Variants in FLNB observed in about 807,000 individuals in gnomAD.
FLNB encodes the protein filamin B.
Under a neutral mutation model 250.6 loss-of-function variants are expected in FLNB, and 111 were observed. The observed-to-expected ratio is 0.44, with a 90% CI of 0.38 to 0.52. The LOEUF (loss-of-function observed/expected upper bound fraction) is 0.52, where lower values mean the gene tolerates loss of function less well. Among genes scored for constraint, FLNB ranks in the 20% least tolerant of loss-of-function variants. FLNB has a pLI of 0.00. For missense variants in FLNB, 2,869 were observed against 3,447.8 expected, an observed-to-expected ratio of 0.83 and a Z score of 4.20; for synonymous variants, 1,302 against 1,372.1, an observed-to-expected ratio of 0.95 and a Z score of 1.13.
chr3:58,161,134 G>A (rs1229547142), intron 42 of FLNB, among the ~76,000 whole-genome samples: 1 of 152,212 alleles, frequency 6.6e-6, no homozygotes, highest in Non-Finnish European at 1.5e-5. Context: ...TGGCAAGCTG[G>A]TGCTCCCAGA....
chr3:58,153,209 G>T (rs2097348073), intron 38 of FLNB, among the ~76,000 whole-genome samples, 166 bp from the exon 39 acceptor site: 1 of 152,198 alleles, frequency 6.6e-6, no homozygotes, highest in Admixed American at 6.5e-5. Context: ...ACTCCATGCT[G>T]GCCACAGAAG....
Position 58,171,853 on chromosome 3 carries a change from T to TG in FLNB, c.*1091_*1092insG, listed in dbSNP as rs2097382967. The TG allele has an allele frequency of 6.6e-6, 1 of 152,330 alleles. No individual in the cohort carries two copies. The highest frequency in any genetic ancestry group is 1.5e-5 in the Non-Finnish European group (1 of 68,144). 9.4% of individuals were successfully genotyped at this position (152,330 alleles called of 1,614,324 possible). A position where few individuals can be genotyped will look rare whatever the true frequency, so the allele number is the denominator to read the frequency against. Reference sequence around the variant, plus strand: ...GAAGGGCAGCAGCTTATTGGTGGTCTTTTCACCATTGGCAGAAACAGTGAG... The same window carrying TG: ...GAAGGGCAGCAGCTTATTGGTGGTCTGTTTCACCATTGGCAGAAACAGTGAG... On this transcript the variant is annotated 3_prime_UTR_variant, in exon 46 of 46. Transcript: ENST00000295956. The surrounding 1 kb of genome is among the most constrained non-coding windows in gnomAD (Gnocchi z 5.5).
rs141550961 is a variant in FLNB at position 58,115,597 on chromosome 3, T to C, written c.2746-3275T>C. Among the ~76,000 whole-genome samples, 48 of 152,294 alleles carry C rather than the reference T, an allele frequency of 3.2e-4. No homozygotes were observed. In the East Asian group the frequency reaches 8.9e-3, roughly 28 times the overall value. ...AATGCTGGAGTGGGAGGCTCCTTAC[T>C]TCAGAGTCACCCCAAGGTCACATTC... On this transcript the variant is annotated intron_variant, in intron 18 of 45. Coordinates refer to ENST00000295956, the MANE Select transcript of FLNB (RefSeq NM_001457.4).
At chr3:58,045,434 C>G (rs9839449) in intron 1 of FLNB, among the ~76,000 whole-genome samples, 10,655 of 152,186 alleles carry the variant, frequency 0.07, 408 homozygotes, top group African/African-American at 0.089. Flanking sequence ...AACACAAATT[C>G]GTAAACTTTC....
At chr3:58,020,799 G>A (rs1388837450) in intron 1 of FLNB, among the ~76,000 whole-genome samples, 1 of 151,732 alleles carries the variant, frequency 6.6e-6, no homozygotes, top group Non-Finnish European at 1.5e-5. Flanking sequence ...GAACTATAGG[G>A]AAACGGGTGG....
At chr3:58,117,657 C>T (rs1559705336) in intron 18 of FLNB, among the ~76,000 whole-genome samples, 2 of 151,242 alleles carry the variant, frequency 1.3e-5, no homozygotes, top group African/African-American at 4.8e-5. Flanking sequence ...TTGGCTGGCT[C>T]CCAGCTCTGT....
Position 58,057,876 on chromosome 3 carries a change from C to T in FLNB, c.293-19170C>T, listed in dbSNP as rs141967955. On this transcript the variant is annotated intron_variant, in intron 1 of 45. Transcript: ENST00000295956. ...AACAGTCTCAGCTCACCACAACCTC[C>T]GCCTCCCAGGTTCAAGCGATTCTCC... is the stretch of plus-strand genomic sequence containing the variant. Among the ~76,000 whole-genome samples, 844 of 152,134 alleles carry T rather than the reference C, an allele frequency of 5.5e-3. 6 individuals carry two copies. Among genetic ancestry groups the T allele is most frequent in the African/African-American group, 0.018 (761 of 41,476 alleles).
chr3:58,021,155 C>T (rs2097113468), intron 1 of FLNB, among the ~76,000 whole-genome samples: 1 of 152,130 alleles, frequency 6.6e-6, no homozygotes, highest in Admixed American at 6.6e-5. Context: ...GCATCTACAG[C>T]CTATTGTGGG....
chr3:58,033,488 T>C lies in FLNB; in HGVS notation c.292+24632T>C, dbSNP rs541065332. ...TCACTACAACCTCCATCTCCCCAGA[T>C]TTAAGTGATTCTCCTGCCCTAGCTT... On this transcript the variant is annotated intron_variant, in intron 1 of 45. Coordinates refer to ENST00000295956, the MANE Select transcript of FLNB (RefSeq NM_001457.4). 2.1e-4 allele frequency among the ~76,000 whole-genome samples: 32 copies of C among 152,118 alleles called. No homozygotes were observed. In the South Asian group the frequency reaches 6.2e-3, roughly 30 times the overall value.
chr3:58,030,167 C>T (rs1166922784), intron 1 of FLNB, among the ~76,000 whole-genome samples: 1 of 152,146 alleles, frequency 6.6e-6, no homozygotes, highest in Non-Finnish European at 1.5e-5. Flanking sequence ...GAGTTTGAGA[C>T]AAATGGCACC....
At chr3:58,115,264 C>T (rs2097275938) in intron 18 of FLNB, among the ~76,000 whole-genome samples, 1 of 152,158 alleles carries the variant, frequency 6.6e-6, no homozygotes, top group Non-Finnish European at 1.5e-5. Flanking sequence ...TCTTTGTTGC[C>T]AAATTCTCCA....
In FLNB at chr3:58,077,192, G is replaced by T. The variant is rs370470693; in HGVS notation, c.439G>T (p.Gly147Trp). The T allele has an allele frequency of 6.2e-7, 1 of 1,614,016 alleles. No individual in the cohort carries two copies. Among genetic ancestry groups the T allele is most frequent in the African/African-American group, 1.3e-5 (1 of 74,914 alleles). Reference sequence around the variant, plus strand: ...GCAGACGCCAAAGCAGAGGCTGCTGGGGTGGATTCAGAACAAGATCCCCTA... The same window carrying T: ...GCAGACGCCAAAGCAGAGGCTGCTGTGGTGGATTCAGAACAAGATCCCCTA... ...KKQTPKQRLL[G>W]WIQNKIPYLP... The change falls in exon 2 of 46, where the codon GGG becomes TGG. Residue 147 changes from glycine (G) to tryptophan (W), a missense_variant. Coordinates refer to ENST00000295956, the MANE Select transcript of FLNB (RefSeq NM_001457.4).
intron 24 of FLNB, among the ~76,000 whole-genome samples, chr3:58,129,620 T>C (rs1374753569): frequency 6.6e-6 from 1 of 152,262 alleles, no homozygotes; most frequent in Admixed American, 6.5e-5. Flanking sequence ...GAAACCCAGC[T>C]GTTGTTAGAA....
chr3:58,056,583 A>G (rs1227120139), intron 1 of FLNB, among the ~76,000 whole-genome samples: 1 of 152,090 alleles, frequency 6.6e-6, no homozygotes, highest in East Asian at 1.9e-4. Flanking sequence ...GTATTTGGCT[A>G]TGACTAACTC....
At position 58,138,712 on chromosome 3, in the gene FLNB, G is replaced by T. The variant is rs570696295; in HGVS notation, c.5109+183G>T. 2.0e-5 allele frequency among the ~76,000 whole-genome samples: 3 copies of T among 152,284 alleles called. No individual in the cohort carries two copies. The South Asian group carries it at 6.2e-4, about 32-fold the overall frequency. ...CTAGAAACTCAGAGACCCTTTGGCT[G>T]TAAGGGTTTTTAGGGAATCTTACTG... On this transcript the variant is annotated intron_variant, in intron 29 of 45. Transcript: ENST00000295956.
rs1244864911 is a variant in FLNB, at chr3:58,154,857, G to C, written c.6701G>C (p.Ser2234Thr). 3.1e-6 allele frequency: 5 copies of C among 1,613,956 alleles called. No individual in the cohort carries two copies. The highest frequency in any genetic ancestry group is 4.2e-6 in the Non-Finnish European group (5 of 1,179,976). ...GGLSIAVEGP[S>T]KAEITFDDHK... ...CTCTCCATCGCTGTTGAGGGCCCCAGTAAGGCCGAGATTACATTCGATGAC... is the reference window on the plus strand; with the variant it reads ...CTCTCCATCGCTGTTGAGGGCCCCACTAAGGCCGAGATTACATTCGATGAC... Residue 2234 changes from serine to threonine, a missense_variant, in exon 40 of 46, where the codon AGT (serine) becomes ACT (threonine). Physicochemically the swap from Ser to Thr is moderately conservative, Grantham distance 58. This residue lies in a region of FLNB where 1,084 missense variants were observed against 1,315.5 expected (regional missense o/e 0.82). Transcript: ENST00000295956.
At chr3:58,120,575 C>G (rs1011044013) in intron 19 of FLNB, among the ~76,000 whole-genome samples, 2 of 152,170 alleles carry the variant, frequency 1.3e-5, no homozygotes, top group African/African-American at 2.4e-5. Flanking sequence ...TTTTGGAAAC[C>G]ATCACGGTAC....
chr3:58,088,400 T>G (rs1448035267), intron 4 of FLNB, among the ~76,000 whole-genome samples: 1 of 152,168 alleles, frequency 6.6e-6, no homozygotes, highest in African/African-American at 2.4e-5. Context: ...ATATTTGGAC[T>G]TCTGCTCCTG....
rs1481074383 is a variant in FLNB, at chr3:58,132,353, AG to A, written c.4391-453del. ...TGGTACCACAGTGTTCTTTGCTCAA[AG>A]GTGGCCACAAGTCTTGACTAGCCAG... On this transcript the variant is annotated intron_variant, in intron 25 of 45. Transcript: ENST00000295956. The A allele has an allele frequency of 9.6e-6, 4 of 417,246 alleles. No individual in the cohort carries two copies. In the East Asian group the frequency reaches 1.6e-4, roughly 17 times the overall value. The allele number at this position is 417,246 out of a possible 1,614,324, so 25.8% of individuals were successfully genotyped here. A position where few individuals can be genotyped will look rare whatever the true frequency, so the allele number is the denominator to read the frequency against.
Sources: allele counts gnomAD v4.1 joint callset (sites outside exome capture counted in the v4.1 genomes callset), GRCh38; gene constraint gnomAD v4.1.1; regional missense constraint gnomAD v4.1.1; non-coding constraint Gnocchi (gnomAD v3.1); transcripts MANE v1.5; gene names NCBI Gene and HGNC (gene_info 2026-07-23, HGNC 2026-07-21).